Variants in DAB1 observed in about 807,000 individuals in gnomAD.
DAB1 encodes DAB adaptor protein 1.
A neutral mutation model predicts 64.6 loss-of-function variants in DAB1; 15 were observed. The ratio of observed to expected loss-of-function variants is 0.23; its 90% CI spans 0.16 to 0.36. The LOEUF (loss-of-function observed/expected upper bound fraction) is 0.36, where lower values mean the gene tolerates loss of function less well. DAB1 is among the 10% of genes least tolerant of loss of function. The pLI, the probability that DAB1 is intolerant of heterozygous loss-of-function variation, is 1.00. For synonymous variants in DAB1, 235 were observed against 251.9 expected (o/e 0.93, Z 0.64); for missense variants, 596 against 706.7 (o/e 0.84, Z 1.78).
At chr1:58,421,396 T>C (rs1025514754) in intron 3 of DAB1, among the ~76,000 whole-genome samples, 5 of 152,196 alleles carry the variant, frequency 3.3e-5, no homozygotes, top group African/African-American at 4.8e-5. Flanking sequence ...TCCTCAAAAG[T>C]CCACTCCAGC....
chr1:58,158,391 T>A (rs1248241247), intron 4 of DAB1, among the ~76,000 whole-genome samples: 4 of 152,126 alleles, frequency 2.6e-5, no homozygotes, highest in Non-Finnish European at 4.4e-5. Context: ...AAAGTTGGGG[T>A]GAGTTTTTGG....
chr1:58,197,561 T>C lies in DAB1; in HGVS notation n.310-46973A>G, dbSNP rs943587788. Among the ~76,000 whole-genome samples, 4 of 151,874 alleles carry C rather than the reference T, an allele frequency of 2.6e-5. No individual in the cohort carries two copies. In the East Asian group the frequency reaches 7.7e-4, roughly 29 times the overall value. The stretch of plus-strand genomic sequence containing the variant: ...TGCGCGCCACTACACCCAGCTAGTT[T>C]TTTTTGTGTTTTTTAGTAGAGATGA... On this transcript the variant is annotated intron_variant and non_coding_transcript_variant, in intron 4 of 20. Transcript: ENST00000485760.
chr1:58,445,538 C>G (rs1298186663), intron 3 of DAB1, among the ~76,000 whole-genome samples: 1 of 152,190 alleles, frequency 6.6e-6, no homozygotes, highest in Non-Finnish European at 1.5e-5. Flanking sequence ...ATCTCAATGG[C>G]TCCCCTCCAT....
intron 5 of DAB1, among the ~76,000 whole-genome samples, chr1:57,929,478 A>G (rs766857714): frequency 7.2e-5 from 11 of 152,192 alleles, no homozygotes; most frequent in Non-Finnish European, 1.2e-4. Context: ...TCTTTTGTAA[A>G]CCATGTCTTT....
intron 2 of DAB1, among the ~76,000 whole-genome samples, chr1:58,523,446 T>G (rs1240337999): frequency 6.6e-6 from 1 of 152,200 alleles, no homozygotes; most frequent in Non-Finnish European, 1.5e-5. Context: ...AACCTTTCCC[T>G]AAAGTACCCT....
At chr1:58,181,199 T>A (rs1250682691) in intron 4 of DAB1, among the ~76,000 whole-genome samples, 1 of 152,160 alleles carries the variant, frequency 6.6e-6, no homozygotes, top group Non-Finnish European at 1.5e-5. Flanking sequence ...CCTGATATCC[T>A]ATACATCTTG....
In DAB1 at chr1:58,334,696, C is replaced by T. The variant is rs1663064388; in HGVS notation, n.309+8656G>A. Among the ~76,000 whole-genome samples, 3 of 148,830 alleles carry T rather than the reference C, an allele frequency of 2.0e-5. No homozygotes were observed. In the South Asian group the frequency reaches 6.5e-4, roughly 32 times the overall value. Reference sequence around the variant, plus strand: ...TGTATTATATAGACTTTGATAACCTCCTGTGGCTTGGATTTATCATCACAA... The same window carrying T: ...TGTATTATATAGACTTTGATAACCTTCTGTGGCTTGGATTTATCATCACAA... On this transcript the variant is annotated intron_variant and non_coding_transcript_variant, in intron 4 of 20. Coordinates refer to the DAB1 transcript ENST00000485760.
intron 3 of DAB1, among the ~76,000 whole-genome samples, chr1:58,390,199 T>C (rs1644464938): frequency 6.6e-6 from 1 of 152,106 alleles, no homozygotes; most frequent in Non-Finnish European, 1.5e-5. Flanking sequence ...GGAGGGAATC[T>C]GCCAGGCGGA....
At chr1:58,287,531 G>C (rs1382998847) in intron 4 of DAB1, among the ~76,000 whole-genome samples, 1 of 151,912 alleles carries the variant, frequency 6.6e-6, no homozygotes, top group Non-Finnish European at 1.5e-5. Context: ...ACTGGCTGCT[G>C]CTCAGGAAGG....
In DAB1 at chr1:57,000,125, G is replaced by C. The variant is rs540560526; in HGVS notation, c.*16-1997C>G. On this transcript the variant is annotated intron_variant, in intron 14 of 14. Transcript: ENST00000371236. ...GTGGCGCGATGTCGGCTCACTGCAA[G>C]CTTGGCCTCCCAGGTTCACACCATT... 2.1e-4 allele frequency among the ~76,000 whole-genome samples: 31 copies of C among 146,182 alleles called. 2 individuals are homozygous for C. The South Asian group carries it at 4.0e-3, about 19-fold the overall frequency.
intron 5 of DAB1, among the ~76,000 whole-genome samples, chr1:57,924,136 T>A (rs557755369): frequency 5.1e-4 from 77 of 152,318 alleles, no homozygotes; most frequent in African/African-American, 1.7e-3. Context: ...ATTCTCCCCA[T>A]TAATTCATGT....
chr1:57,005,224 A>C (rs1328849768), intron 14 of DAB1, among the ~76,000 whole-genome samples: 1 of 152,170 alleles, frequency 6.6e-6, no homozygotes, highest in Non-Finnish European at 1.5e-5. Context: ...TTTCCCCGTC[A>C]ATAATAACAA....
At chr1:57,607,641 G>C (rs569803888) in intron 7 of DAB1, among the ~76,000 whole-genome samples, 1 of 152,238 alleles carries the variant, frequency 6.6e-6, no homozygotes, top group South Asian at 2.1e-4. Context: ...ACACCGCCCA[G>C]TTCAAATTTT....
At chr1:57,155,189 G>A (rs1306155263) in intron 2 of DAB1, among the ~76,000 whole-genome samples, 3 of 152,134 alleles carry the variant, frequency 2.0e-5, no homozygotes, top group Non-Finnish European at 2.9e-5. Context: ...TACCCATTTT[G>A]ATTTGATCTG....
At chr1:57,135,108 C>T (rs1350624371) in intron 4 of DAB1, among the ~76,000 whole-genome samples, 1 of 152,098 alleles carries the variant, frequency 6.6e-6, no homozygotes, top group Non-Finnish European at 1.5e-5. Flanking sequence ...AAATATATGA[C>T]ATACAATTTA....
Position 57,377,895 on chromosome 1 carries a change from A to G in DAB1, c.-137+46035T>C, listed in dbSNP as rs375688240. 6.4e-4 allele frequency among the ~76,000 whole-genome samples: 98 copies of G among 152,278 alleles called. 1 individual carries two copies. In the South Asian group the frequency reaches 0.017, roughly 26 times the overall value. On this transcript the variant is annotated intron_variant, in intron 1 of 14. Transcript: ENST00000371236. Reference sequence around the variant, plus strand: ...GGAGGAAGGAGCAGTTATAGAATCTAAAAATAGAGGCTGGGTGGAAAGGGT... The same window carrying G: ...GGAGGAAGGAGCAGTTATAGAATCTGAAAATAGAGGCTGGGTGGAAAGGGT...
At chr1:58,191,101 A>AAATACAAG (rs1203210365) in intron 4 of DAB1, among the ~76,000 whole-genome samples, 1 of 152,238 alleles carries the variant, frequency 6.6e-6, no homozygotes, top group Non-Finnish European at 1.5e-5. Flanking sequence ...AAGCAAACAG[A>AAATACAAG]AATACAAGAT....
intron 4 of DAB1, among the ~76,000 whole-genome samples, chr1:58,288,041 AAAAAG>A (rs1661732868): frequency 1.4e-5 from 2 of 145,832 alleles, no homozygotes; most frequent in African/African-American, 2.5e-5. Flanking sequence ...AAAAAAAAAA[AAAAAG>A]AAAAAAAAGA....
intron 7 of DAB1, among the ~76,000 whole-genome samples, chr1:57,601,832 G>T (rs575134113): frequency 3.2e-4 from 49 of 152,272 alleles, no homozygotes; most frequent in Non-Finnish European, 5.6e-4. Flanking sequence ...TTGTGTGTGT[G>T]TGTGTGTACA....
Sources: allele counts gnomAD v4.1 joint callset (sites outside exome capture counted in the v4.1 genomes callset), GRCh38; gene constraint gnomAD v4.1.1; transcripts MANE v1.5; gene names NCBI Gene and HGNC (gene_info 2026-07-23, HGNC 2026-07-21).